Variants in COL4A5 observed in about 807,000 individuals in gnomAD.
COL4A5 encodes collagen alpha-5(IV) chain.
Under a neutral mutation model 130.2 loss-of-function variants are expected in COL4A5, and 26 were observed. The observed-to-expected ratio is 0.20, with a 90% CI of 0.15 to 0.28. The LOEUF (loss-of-function observed/expected upper bound fraction) is 0.28. Among genes scored for constraint, COL4A5 ranks in the 10% least tolerant of loss-of-function variants. The pLI is 1.00. For missense variants in COL4A5, 1,131 were observed against 1,344.3 expected, an observed-to-expected ratio of 0.84 and a Z score of 2.48; for synonymous variants, 496 against 439.6, an observed-to-expected ratio of 1.13 and a Z score of -1.60.
Position 108,490,775 on chromosome X carries a change from A to G in COL4A5, c.82-48971A>G, listed in dbSNP as rs773100047. Reference sequence around the variant, plus strand: ...GAATTAAGCTTAGTACCCAATAGTTATCTTTTCTGCTCCTCTTCATCCTTC... The same window carrying G: ...GAATTAAGCTTAGTACCCAATAGTTGTCTTTTCTGCTCCTCTTCATCCTTC... On this transcript the variant is annotated intron_variant, in intron 1 of 52. Transcript: ENST00000328300. Among the ~76,000 whole-genome samples the G allele has an allele frequency of 6.3e-5, 7 of 110,938 alleles. No individual in the cohort carries two copies. The East Asian group carries it at 1.1e-3, about 18-fold the overall frequency.
intron 21 of COL4A5, 95 bp downstream of exon 21, chrX:108,591,739 A>T: frequency 2.0e-5 from 14 of 688,688 alleles, no homozygotes; most frequent in Non-Finnish European, 3.3e-5. Flanking sequence ...TTAGCCACTG[A>T]CTCCCATGGT....
At chrX:108,507,247 C>CAAAAAAA (rs1195605237) in intron 1 of COL4A5, among the ~76,000 whole-genome samples, 1 of 50,870 alleles carries the variant, frequency 2.0e-5, no homozygotes. Context: ...ACAACAACAA[C>CAAAAAAA]AAAAAAAAAA....
chrX:108,455,786 G>A (rs767613763), intron 1 of COL4A5, among the ~76,000 whole-genome samples: 3 of 111,129 alleles, frequency 2.7e-5, no homozygotes, highest in Non-Finnish European at 5.7e-5. Flanking sequence ...GAAAATCAAT[G>A]GAATGTGTAT....
At chrX:108,496,558 T>C (rs2065036740) in intron 1 of COL4A5, among the ~76,000 whole-genome samples, 1 of 111,966 alleles carries the variant, frequency 8.9e-6, no homozygotes, top group African/African-American at 3.2e-5. Flanking sequence ...TATATCAAAT[T>C]GGTTGATAGT....
chrX:108,486,661 A>G (rs1360975990), intron 1 of COL4A5, among the ~76,000 whole-genome samples: 2 of 111,759 alleles, frequency 1.8e-5, no homozygotes, highest in African/African-American at 6.5e-5. Context: ...GAGTGAGAGC[A>G]TACAATGTTT....
At chrX:108,453,002 C>T (rs942074831) in intron 1 of COL4A5, among the ~76,000 whole-genome samples, 3 of 110,863 alleles carry the variant, frequency 2.7e-5, no homozygotes, top group Non-Finnish European at 3.8e-5. Context: ...TACATCCCAT[C>T]AATACCTAAT....
intron 36 of COL4A5, among the ~76,000 whole-genome samples, chrX:108,647,925 T>A (rs147593446): frequency 0.1 from 11,598 of 111,386 alleles, 1,299 homozygotes; most frequent in African/African-American, 0.34. Context: ...ATCCCAGGGA[T>A]GAAGCCCACT....
chrX:108,686,192 C>T (rs1050136904), intron 48 of COL4A5, 63 bp downstream of exon 48: 12 of 859,091 alleles, frequency 1.4e-5, no homozygotes, highest in African/African-American at 1.2e-4. Context: ...GACCTCTGGA[C>T]ATAGGGCCTC....
intron 37 of COL4A5, among the ~76,000 whole-genome samples, chrX:108,661,226 G>T: frequency 9.0e-6 from 1 of 111,347 alleles, no homozygotes; most frequent in Admixed American, 9.5e-5. Flanking sequence ...TTCTTCTGTC[G>T]TATTTTCTCC....
At chrX:108,498,784 G>A (rs1028981373) in intron 1 of COL4A5, among the ~76,000 whole-genome samples, 3 of 110,965 alleles carry the variant, frequency 2.7e-5, no homozygotes, top group Non-Finnish European at 1.9e-5. Context: ...ATTGTAAATG[G>A]TATTAGTATA....
intron 1 of COL4A5, chrX:108,442,805 T>A (rs150335927): frequency 4.5e-5 from 5 of 111,687 alleles, no homozygotes; most frequent in African/African-American, 1.6e-4. Context: ...TGCCAGGCAC[T>A]GTGCTAATAT....
intron 2 of COL4A5, among the ~76,000 whole-genome samples, chrX:108,542,601 A>G (rs1263832206): frequency 1.8e-5 from 2 of 109,319 alleles, no homozygotes; most frequent in African/African-American, 3.5e-5. Context: ...AGCATGATTT[A>G]TAATCCTTTG....
At chrX:108,614,147 A>C (rs2066884306) in intron 29 of COL4A5, among the ~76,000 whole-genome samples, 1 of 112,194 alleles carries the variant, frequency 8.9e-6, no homozygotes. Context: ...GCATTGTATT[A>C]AGTGAAAGAA....
intron 1 of COL4A5, among the ~76,000 whole-genome samples, chrX:108,473,612 TG>T (rs2048838316): frequency 6.6e-5 from 3 of 45,224 alleles, no homozygotes; most frequent in African/African-American, 2.5e-4. Flanking sequence ...TATATATATA[TG>T]TATATATATA....
intron 2 of COL4A5, 129 bp from the exon 3 acceptor site, chrX:108,558,935 T>C (rs1359172431): frequency 7.1e-6 from 4 of 566,028 alleles, no homozygotes; most frequent in Non-Finnish European, 1.2e-5. Flanking sequence ...TGTTAGTAGA[T>C]ACTGTGAATT....
chrX:108,582,663 C>G, intron 16 of COL4A5: 1 of 396,387 alleles, frequency 2.5e-6, no homozygotes, highest in Non-Finnish European at 4.4e-6. Flanking sequence ...AGTTAAAATG[C>G]CACAAAGCTC....
At chrX:108,469,648 T>C (rs750851516) in intron 1 of COL4A5, among the ~76,000 whole-genome samples, 21 of 112,086 alleles carry the variant, frequency 1.9e-4, no homozygotes, top group African/African-American at 6.2e-4. Flanking sequence ...AAAGCTATAA[T>C]AGTAAACAAC....
chrX:108,562,786 G>A (rs1279585755), intron 3 of COL4A5, among the ~76,000 whole-genome samples: 2 of 111,117 alleles, frequency 1.8e-5, no homozygotes, highest in South Asian at 3.8e-4. Flanking sequence ...ATGCACACTC[G>A]CAATTTTCCA....
intron 2 of COL4A5, among the ~76,000 whole-genome samples, chrX:108,557,951 G>A (rs941433395): frequency 9.1e-6 from 1 of 109,427 alleles, no homozygotes; most frequent in African/African-American, 3.3e-5. Flanking sequence ...TGTACTTTAA[G>A]TTCTAGGGTA....
Sources: allele counts gnomAD v4.1 joint callset (sites outside exome capture counted in the v4.1 genomes callset), GRCh38; gene constraint gnomAD v4.1.1; transcripts MANE v1.5; gene names NCBI Gene and HGNC (gene_info 2026-07-23, HGNC 2026-07-21).